PDZD9: variants seen among roughly 807,000 people sequenced by gnomAD.
PDZD9 encodes PDZ domain-containing protein 9.
Under a neutral mutation model 16.3 loss-of-function variants are expected in PDZD9, and 13 were observed. The observed-to-expected ratio is 0.80, with a 90% CI of 0.52 to 1.27. The LOEUF (loss-of-function observed/expected upper bound fraction) is 1.27, where lower values mean the gene tolerates loss of function less well. Ranked by LOEUF, PDZD9 falls within the 50% of genes most tolerant of loss-of-function variation. The pLI is 0.00. For missense variants in PDZD9, 288 were observed against 310.9 expected (o/e 0.93, Z 0.55); for synonymous variants, 120 against 111.0 (o/e 1.08, Z -0.51).
intron 2 of PDZD9, among the ~76,000 whole-genome samples, chr16:21,991,129 A>G (rs1273289098): frequency 6.6e-6 from 1 of 152,062 alleles, no homozygotes; most frequent in Non-Finnish European, 1.5e-5. Context: ...GTTCACCACT[A>G]CACCCCCAGT....
the PDZD9 span, among the ~76,000 whole-genome samples, chr16:21,978,304 T>C: frequency 6.6e-6 from 1 of 152,176 alleles, no homozygotes; most frequent in Non-Finnish European, 1.5e-5. Context: ...CAGCATTAAA[T>C]TGTAATTATG....
chr16:21,990,854 G>T (rs1899004975), intron 2 of PDZD9, among the ~76,000 whole-genome samples: 1 of 152,188 alleles, frequency 6.6e-6, no homozygotes, highest in Non-Finnish European at 1.5e-5. Flanking sequence ...GCATGTGAAT[G>T]TGATTACTCT....
rs1898805586 is a variant in PDZD9, at chr16:21,984,082, A to G, written c.*185T>C. On this transcript the variant is annotated 3_prime_UTR_variant, in exon 4 of 4. Transcript: ENST00000424898. Reference sequence around the variant, plus strand: ...TGAAAATAAGATTTGTGAGGCCTGCAAGAACCCAAGGAAGTCTTTAGATAA... The same window carrying G: ...TGAAAATAAGATTTGTGAGGCCTGCGAGAACCCAAGGAAGTCTTTAGATAA... 1 of 573,126 alleles carries G rather than the reference A, an allele frequency of 1.7e-6. No individual in the cohort carries two copies. Among genetic ancestry groups the G allele is most frequent in the Non-Finnish European group, 2.9e-6 (1 of 345,462 alleles). 35.5% of individuals were successfully genotyped at this position (573,126 alleles called of 1,614,324 possible). A position where few individuals can be genotyped will look rare whatever the true frequency, so the allele number is the denominator to read the frequency against.
intron 2 of PDZD9, 55 bp downstream of exon 2, chr16:21,996,267 C>A: frequency 6.8e-7 from 1 of 1,480,000 alleles, no homozygotes; most frequent in South Asian, 1.3e-5. Flanking sequence ...CCGAGTCACC[C>A]TGCAGGCAGA....
the PDZD9 span, chr16:21,971,788 C>T: frequency 7.4e-7 from 1 of 1,357,774 alleles, no homozygotes; most frequent in South Asian, 1.3e-5. Context: ...TGTTTGGGGA[C>T]AGGATGGCAT....
intron 3 of PDZD9, among the ~76,000 whole-genome samples, chr16:21,985,814 A>C (rs142592912): frequency 6.6e-6 from 1 of 152,222 alleles, no homozygotes; most frequent in Non-Finnish European, 1.5e-5. Flanking sequence ...CCAAAAGTTT[A>C]TCTCTTCCAG....
downstream of PDZD9, chr16:21,983,120 A>G (rs1386082449): frequency 6.2e-7 from 1 of 1,614,136 alleles, no homozygotes; most frequent in Non-Finnish European, 8.5e-7. Flanking sequence ...GCCAGAAGTC[A>G]ATGGCAGCAA....
chr16:21,988,522 T>C, intron 3 of PDZD9, 80 bp downstream of exon 3: 1 of 1,151,362 alleles, frequency 8.7e-7, no homozygotes, highest in South Asian at 1.5e-5. Flanking sequence ...CATTTGATAA[T>C]TGTCACATTA....
the PDZD9 span, chr16:21,962,436 A>G: frequency 1.2e-6 from 2 of 1,613,634 alleles, no homozygotes; most frequent in Non-Finnish European, 1.7e-6. Context: ...CAGATGATTT[A>G]CTCTAGTTTA....
intron 1 of PDZD9, among the ~76,000 whole-genome samples, chr16:21,998,569 G>A (rs2141964464): frequency 6.6e-6 from 1 of 152,146 alleles, no homozygotes; most frequent in South Asian, 2.1e-4. Flanking sequence ...GCGCGGGCCT[G>A]TAATCCCAGC....
chr16:21,964,131 G>A, the PDZD9 span, among the ~76,000 whole-genome samples: 949 of 152,208 alleles, frequency 6.2e-3, 8 homozygotes, highest in Middle Eastern at 0.045. Flanking sequence ...ATGCAGGCCT[G>A]GGGACTGATG....
At chr16:21,975,473 A>G in the PDZD9 span, among the ~76,000 whole-genome samples, 5 of 152,304 alleles carry the variant, frequency 3.3e-5, no homozygotes, top group African/African-American at 1.2e-4. Context: ...AATTTAGGTG[A>G]TCAGAGGGAA....
the PDZD9 span, among the ~76,000 whole-genome samples, chr16:21,977,616 C>G: frequency 6.6e-6 from 1 of 152,184 alleles, no homozygotes; most frequent in Non-Finnish European, 1.5e-5. Flanking sequence ...GAGGGTTTCT[C>G]TAAAAGAGAC....
downstream of PDZD9, among the ~76,000 whole-genome samples, chr16:21,982,182 A>G (rs901515439): frequency 2.0e-5 from 3 of 151,792 alleles, no homozygotes; most frequent in African/African-American, 4.8e-5. Context: ...CTTATATCCT[A>G]TCATTATGTG....
Position 21,998,932 on chromosome 16 carries a change from T to C in PDZD9, c.31+2085A>G. Reference sequence around the variant, plus strand: ...CTCTGCTTCATTTTGGAGAGAAGACTTCTCACACTATGGCAGCCATCCATG... The same window carrying C: ...CTCTGCTTCATTTTGGAGAGAAGACCTCTCACACTATGGCAGCCATCCATG... On this transcript the variant is annotated intron_variant, in intron 1 of 3. Transcript: ENST00000424898. 8.8e-6 allele frequency: 2 copies of C among 228,490 alleles called. 1 individual carries two copies. The highest frequency in any genetic ancestry group is 1.6e-4 in the South Asian group (2 of 12,234). The allele number at this position is 228,490 out of a possible 1,614,324, so 14.2% of individuals were successfully genotyped here.
At chr16:21,964,883 T>TA in the PDZD9 span, among the ~76,000 whole-genome samples, 16 of 152,234 alleles carry the variant, frequency 1.1e-4, no homozygotes, top group East Asian at 2.9e-3. Flanking sequence ...CTGAAGGAAA[T>TA]ACTGCAGGCA....
At chr16:21,973,857 TG>T in the PDZD9 span, 1 of 1,587,002 alleles carries the variant, frequency 6.3e-7, no homozygotes, top group Non-Finnish European at 8.6e-7. Flanking sequence ...CTGTTTTACT[TG>T]GTAGAATATC....
chr16:21,982,131 C>T (rs536609898), downstream of PDZD9, among the ~76,000 whole-genome samples: 3 of 152,140 alleles, frequency 2.0e-5, no homozygotes, highest in East Asian at 3.9e-4. Flanking sequence ...TGAATCAACG[C>T]GCCCAGCCCA....
At chr16:21,957,584 C>T in the PDZD9 span, 1 of 1,611,038 alleles carries the variant, frequency 6.2e-7, no homozygotes, top group African/African-American at 1.3e-5. Context: ...TCTTCACTTC[C>T]TCAAGTGTTT....
Sources: gnomAD v4.1 joint callset for allele counts (sites outside exome capture counted in the v4.1 genomes callset) on GRCh38, gnomAD v4.1.1 for gene constraint, MANE v1.5 for transcripts, NCBI Gene and HGNC (gene_info 2026-07-23, HGNC 2026-07-21) for gene names.